ZNF107: variants seen among roughly 807,000 people sequenced by gnomAD.
The protein encoded by ZNF107 is zinc finger protein 107.
Under a neutral mutation model 12.3 loss-of-function variants are expected in ZNF107, and 19 were observed. The ratio of observed to expected loss-of-function variants is 1.55; its 90% CI spans 1.08 to 2.27. ZNF107 has a LOEUF of 2.27. ZNF107 is among the 30% of genes most tolerant of loss of function. ZNF107 has a pLI of 0.00. For missense variants in ZNF107, 958 were observed against 979.9 expected, an observed-to-expected ratio of 0.98 and a Z score of 0.30; for synonymous variants, 317 against 330.5, an observed-to-expected ratio of 0.96 and a Z score of 0.44.
At chr7:64,698,722 G>C (rs935527988) in intron 3 of ZNF107, among the ~76,000 whole-genome samples, 7 of 152,140 alleles carry the variant, frequency 4.6e-5, no homozygotes, top group African/African-American at 1.4e-4. Context: ...TGCCTGGCTT[G>C]TTGCTCTTGC....
chr7:64,693,203 T>TG (rs1384091541), intron 3 of ZNF107, among the ~76,000 whole-genome samples: 1 of 141,082 alleles, frequency 7.1e-6, no homozygotes, highest in Non-Finnish European at 1.5e-5. Flanking sequence ...TTAGTAGAGA[T>TG]GGGGTTTCAC....
chr7:64,684,312 T>C (rs2128960551), intron 1 of ZNF107, among the ~76,000 whole-genome samples: 1 of 152,304 alleles, frequency 6.6e-6, no homozygotes, highest in South Asian at 2.1e-4. Context: ...GTCAGGCTGC[T>C]AACCTTCTTT....
intron 1 of ZNF107, among the ~76,000 whole-genome samples, chr7:64,671,111 T>C (rs1403192178): frequency 6.6e-6 from 1 of 151,814 alleles, no homozygotes; most frequent in East Asian, 1.9e-4. Context: ...TGGCCTGGAG[T>C]GGAACTCTGG....
chr7:64,670,419 G>C (rs1013451571), intron 1 of ZNF107, among the ~76,000 whole-genome samples: 2 of 152,118 alleles, frequency 1.3e-5, no homozygotes, highest in Non-Finnish European at 2.9e-5. Flanking sequence ...CAAAAAATGG[G>C]GTTGTATGTT....
chr7:64,693,165 A>ATTTT (rs34734604), intron 3 of ZNF107, among the ~76,000 whole-genome samples: 10 of 110,106 alleles, frequency 9.1e-5, no homozygotes, highest in African/African-American at 1.4e-4. Context: ...CACTCAGCTA[A>ATTTT]TTTTTTTTTT....
rs568736166 is a variant in ZNF107 at position 64,669,682 on chromosome 7, G to A, written c.3+3397G>A. Among the ~76,000 whole-genome samples the A allele has an allele frequency of 2.6e-5, 4 of 152,200 alleles. No individual in the cohort carries two copies. In the South Asian group the frequency reaches 8.3e-4, roughly 32 times the overall value. ...AGGCACCTGTAGTCTTAGCTACTCGGTAGGCTGAGGCAGGAGAATCACTTG... is the reference window on the plus strand; with the variant it reads ...AGGCACCTGTAGTCTTAGCTACTCGATAGGCTGAGGCAGGAGAATCACTTG... On this transcript the variant is annotated intron_variant, in intron 1 of 3. Coordinates refer to ENST00000620827, the MANE Select transcript of ZNF107 (RefSeq NM_001282359.2).
intron 3 of ZNF107, among the ~76,000 whole-genome samples, chr7:64,698,124 T>G (rs1790357193): frequency 6.6e-6 from 1 of 152,262 alleles, no homozygotes; most frequent in Admixed American, 6.5e-5. Context: ...GAGGTGATTT[T>G]GTTTTTCATT....
At chr7:64,682,615 A>G (rs745326759) in intron 1 of ZNF107, among the ~76,000 whole-genome samples, 1 of 152,146 alleles carries the variant, frequency 6.6e-6, no homozygotes, top group African/African-American at 2.4e-5. Context: ...CCAGTGGCCT[A>G]CTTATCTAAA....
intron 1 of ZNF107, among the ~76,000 whole-genome samples, chr7:64,685,359 A>C (rs1027628996): frequency 3.3e-5 from 5 of 152,156 alleles, no homozygotes; most frequent in African/African-American, 9.7e-5. Flanking sequence ...AAACAGCTAC[A>C]TTCAAACAGC....
intron 3 of ZNF107, among the ~76,000 whole-genome samples, chr7:64,705,726 T>A (rs1465652853): frequency 1.3e-5 from 2 of 151,216 alleles, no homozygotes; most frequent in Admixed American, 1.3e-4. Flanking sequence ...TTAAAAGAGT[T>A]TGTTCATGTT....
intron 1 of ZNF107, 26 bp downstream of exon 1, chr7:64,666,311 G>A: frequency 1.9e-6 from 3 of 1,607,828 alleles, no homozygotes; most frequent in Non-Finnish European, 2.6e-6. Context: ...CCGACATCCC[G>A]AGAGAGGGGG....
rs942846095 is a variant in ZNF107, at chr7:64,707,010, A to G, written c.913A>G (p.Ile305Val). The change falls in exon 4 of 4, where the codon ATA becomes GTA. Residue 305 changes from isoleucine to valine, a missense_variant. Physicochemically the swap from Ile to Val is conservative, Grantham distance 29. Transcript: ENST00000620827. ...SQSSHLTTQKILHTGENLYKC... is the reference protein window; with the variant it reads ...SQSSHLTTQKVLHTGENLYKC... ...GTCCTCACACCTTACTACACAAAAG[A>G]TACTTCACACTGGAGAGAACCTCTA... The G allele has an allele frequency of 1.2e-6, 2 of 1,613,426 alleles. No homozygotes were observed. The highest frequency in any genetic ancestry group is 2.7e-5 in the African/African-American group (2 of 74,912).
In ZNF107 at chr7:64,703,640, G is replaced by C. The variant is rs377659437; in HGVS notation, c.227-2684G>C. On this transcript the variant is annotated intron_variant, in intron 3 of 3. Transcript: ENST00000620827. The stretch of plus-strand genomic sequence containing the variant: ...AATGGGGTTTCACCATGTTGGCCAG[G>C]CTGGTCTTGAACTCCTGACCTCAGG... 4.7e-4 allele frequency among the ~76,000 whole-genome samples: 72 copies of C among 152,146 alleles called. No homozygotes were observed. The East Asian group carries it at 7.9e-3, about 17-fold the overall frequency.
intron 1 of ZNF107, among the ~76,000 whole-genome samples, chr7:64,669,983 C>G (rs1207078553): frequency 2.0e-5 from 3 of 152,012 alleles, no homozygotes; most frequent in Non-Finnish European, 2.9e-5. Flanking sequence ...TTAGTTCTTT[C>G]TTGGAAGCCT....
At chr7:64,689,347 A>G (rs3750027) in intron 1 of ZNF107, 52,916 of 152,034 alleles carry the variant, frequency 0.35, 9,713 homozygotes, top group Non-Finnish European at 0.4. Context: ...GTGAGATGTC[A>G]ACATAGACAT....
In ZNF107 at chr7:64,666,287, TGA is replaced by T. The variant is rs1788996710; in HGVS notation, c.3+6_3+7del. 2 of 1,609,720 alleles carry T rather than the reference TGA, an allele frequency of 1.2e-6. No homozygotes were observed. Among genetic ancestry groups the T allele is most frequent in the Non-Finnish European group, 1.7e-6 (2 of 1,177,536 alleles). On this transcript the variant is annotated splice_donor_region_variant and intron_variant, in intron 1 of 3. Coordinates refer to ENST00000620827, the MANE Select transcript of ZNF107 (RefSeq NM_001282359.2). ...GGACTCCCTGGAAACCTAGAAATGG[TGA>T]GAGTGCTGGGTCCGACATCCCGAGA... is the stretch of plus-strand genomic sequence containing the variant.
chr7:64,694,141 C>T (rs1243776843), intron 3 of ZNF107, among the ~76,000 whole-genome samples: 1 of 152,216 alleles, frequency 6.6e-6, no homozygotes, highest in Non-Finnish European at 1.5e-5. Context: ...GATCAGGGAG[C>T]TGGAACTGAG....
chr7:64,672,691 G>A (rs1284371210), intron 1 of ZNF107, among the ~76,000 whole-genome samples: 5 of 152,104 alleles, frequency 3.3e-5, no homozygotes, highest in Non-Finnish European at 5.9e-5. Context: ...CCAGTCTACC[G>A]TCGATAGGTA....
chr7:64,674,614 C>G (rs1195779894), intron 1 of ZNF107, among the ~76,000 whole-genome samples: 1 of 152,132 alleles, frequency 6.6e-6, no homozygotes, highest in African/African-American at 2.4e-5. Flanking sequence ...CCTGATTGCT[C>G]TAGTGAGGAC....
Sources: allele counts gnomAD v4.1 joint callset (sites outside exome capture counted in the v4.1 genomes callset), GRCh38; gene constraint gnomAD v4.1.1; transcripts MANE v1.5; gene names NCBI Gene and HGNC (gene_info 2026-07-23, HGNC 2026-07-21).